Variants in SV2C observed in about 807,000 individuals in gnomAD.
The protein encoded by SV2C is synaptic vesicle glycoprotein 2C.
Under a neutral mutation model 79.7 loss-of-function variants are expected in SV2C, and 49 were observed. That is an observed-to-expected ratio of 0.61 (90% confidence interval 0.49 to 0.78). The LOEUF (loss-of-function observed/expected upper bound fraction) is 0.78. Ranked by LOEUF, SV2C falls within the 30% of genes least tolerant of loss-of-function variation. The pLI is 0.00. For missense variants in SV2C, 833 were observed against 912.9 expected, an observed-to-expected ratio of 0.91 and a Z score of 1.13; for synonymous variants, 334 against 333.2, an observed-to-expected ratio of 1.00 and a Z score of -0.03.
the SV2C span, among the ~76,000 whole-genome samples, chr5:76,034,036 T>A: frequency 1.6e-5 from 2 of 122,488 alleles, no homozygotes; most frequent in Middle Eastern, 4.8e-3. Context: ...CACTCATGAT[T>A]TGGCTCTCTG....
the SV2C span, among the ~76,000 whole-genome samples, chr5:75,942,714 T>C: frequency 6.6e-6 from 1 of 152,206 alleles, no homozygotes; most frequent in African/African-American, 2.4e-5. Flanking sequence ...TTGAGTTCCC[T>C]GTTCAAACTC....
At chr5:75,853,221 A>G in the SV2C span, among the ~76,000 whole-genome samples, 17 of 152,146 alleles carry the variant, frequency 1.1e-4, no homozygotes, top group Non-Finnish European at 1.9e-4. Flanking sequence ...ATACTAGAAA[A>G]TATTTGAATA....
At chr5:76,178,208 A>G (rs1743601655) in intron 2 of SV2C, among the ~76,000 whole-genome samples, 1 of 152,154 alleles carries the variant, frequency 6.6e-6, no homozygotes, top group Non-Finnish European at 1.5e-5. Flanking sequence ...TGAAAGTCAC[A>G]TAGCATCACT....
chr5:76,023,672 G>C, the SV2C span, among the ~76,000 whole-genome samples: 1 of 107,540 alleles, frequency 9.3e-6, no homozygotes, highest in African/African-American at 3.7e-5. Flanking sequence ...ACATATATAT[G>C]TATGTGTGTG....
intron 1 of SV2C, among the ~76,000 whole-genome samples, chr5:76,087,101 C>T (rs916887602): frequency 1.8e-4 from 28 of 152,266 alleles, no homozygotes; most frequent in African/African-American, 6.7e-4. Flanking sequence ...TAAATTAACT[C>T]ATGTTAAAAT....
the SV2C span, among the ~76,000 whole-genome samples, chr5:76,008,272 A>T: frequency 6.6e-6 from 1 of 152,194 alleles, no homozygotes; most frequent in Non-Finnish European, 1.5e-5. Context: ...TGTCTGTCTC[A>T]GCAGGGGAGC....
the SV2C span, among the ~76,000 whole-genome samples, chr5:75,876,842 A>C: frequency 2.0e-5 from 3 of 152,088 alleles, no homozygotes; most frequent in African/African-American, 7.2e-5. Flanking sequence ...TACATTTGAA[A>C]ATAGTTACCT....
chr5:76,055,720 G>A, the SV2C span, among the ~76,000 whole-genome samples: 2 of 152,112 alleles, frequency 1.3e-5, no homozygotes, highest in Admixed American at 6.5e-5. Flanking sequence ...CATGTCCCTT[G>A]TAAGCTGTAT....
At chr5:76,122,617 C>CTA (rs777647639) in intron 1 of SV2C, among the ~76,000 whole-genome samples, 1 of 151,748 alleles carries the variant, frequency 6.6e-6, no homozygotes, top group Non-Finnish European at 1.5e-5. Context: ...CTGCTCCTGA[C>CTA]TGACTACTGG....
At chr5:76,069,123 C>A in the SV2C span, among the ~76,000 whole-genome samples, 1 of 152,152 alleles carries the variant, frequency 6.6e-6, no homozygotes, top group South Asian at 2.1e-4. Flanking sequence ...GTTTTAGTTA[C>A]AATTGATCTT....
the SV2C span, among the ~76,000 whole-genome samples, chr5:76,027,215 C>A: frequency 6.6e-6 from 1 of 151,846 alleles, no homozygotes; most frequent in African/African-American, 2.4e-5. Context: ...GCGCCCACCA[C>A]CACTCCCAGC....
chr5:75,849,269 G>A, the SV2C span, among the ~76,000 whole-genome samples: 1 of 152,208 alleles, frequency 6.6e-6, no homozygotes, highest in Non-Finnish European at 1.5e-5. Context: ...AAACTTAGTG[G>A]AGTGAATGGA....
chr5:76,032,952 G>A, the SV2C span, among the ~76,000 whole-genome samples: 6 of 152,210 alleles, frequency 3.9e-5, no homozygotes, highest in South Asian at 2.1e-4. Flanking sequence ...ACTGGTTTGA[G>A]ATGGTATCCC....
chr5:76,014,684 A>G, the SV2C span, among the ~76,000 whole-genome samples: 1 of 152,064 alleles, frequency 6.6e-6, no homozygotes, highest in Non-Finnish European at 1.5e-5. Context: ...GGACACACAC[A>G]CACCCCCTAA....
At chr5:76,212,421 A>C (rs566694288) in intron 4 of SV2C, among the ~76,000 whole-genome samples, 5 of 151,868 alleles carry the variant, frequency 3.3e-5, no homozygotes, top group South Asian at 4.2e-4. Flanking sequence ...AACCTGGCAA[A>C]TTTATACAGC....
intron 4 of SV2C, among the ~76,000 whole-genome samples, chr5:76,221,965 A>C (rs1227430016): frequency 1.3e-5 from 2 of 152,244 alleles, no homozygotes; most frequent in African/African-American, 4.8e-5. Context: ...CAAATTGTGA[A>C]TAAATCGTGA....
At chr5:75,987,336 G>T in the SV2C span, among the ~76,000 whole-genome samples, 2 of 151,920 alleles carry the variant, frequency 1.3e-5, no homozygotes, top group Non-Finnish European at 2.9e-5. Flanking sequence ...GTCTGATGAG[G>T]GTGTGACTGA....
chr5:76,285,754 G>A (rs907682063), intron 5 of SV2C, 27 bp from the exon 6 acceptor site: 10 of 1,601,344 alleles, frequency 6.2e-6, no homozygotes, highest in Middle Eastern at 1.7e-4. Context: ...CACTCCTAGC[G>A]CTTCACTGTC....
chr5:75,989,697 A>G, the SV2C span, among the ~76,000 whole-genome samples: 5 of 151,856 alleles, frequency 3.3e-5, no homozygotes, highest in Non-Finnish European at 5.9e-5. Flanking sequence ...TAGGTCTTTG[A>G]GAAATTGCCA....
Sources: allele counts gnomAD v4.1 joint callset (sites outside exome capture counted in the v4.1 genomes callset), GRCh38; gene constraint gnomAD v4.1.1; transcripts MANE v1.5; gene names NCBI Gene and HGNC (gene_info 2026-07-23, HGNC 2026-07-21).